Variants in PDE9A observed in about 807,000 individuals in gnomAD.
The protein encoded by PDE9A is phosphodiesterase 9A.
A neutral mutation model predicts 87.4 loss-of-function variants in PDE9A; 60 were observed. The observed-to-expected ratio is 0.69, with a 90% CI of 0.56 to 0.85. PDE9A has a LOEUF of 0.85. Among genes scored for constraint, PDE9A ranks in the 40% least tolerant of loss-of-function variants. PDE9A has a pLI of 0.00. For missense variants in PDE9A, 665 were observed against 779.0 expected (o/e 0.85, Z 1.74); for synonymous variants, 272 against 279.4 (o/e 0.97, Z 0.27).
In PDE9A at chr21:42,695,744, C is replaced by T. The variant is rs1013178550; in HGVS notation, c.219-3224C>T. On this transcript the variant is annotated intron_variant, in intron 3 of 19. Transcript: ENST00000291539. This position sits in a 1 kb window ranked among gnomAD's most constrained non-coding sequence, Gnocchi z 4.3. Reference sequence around the variant, plus strand: ...GTTAGATCTTAGAAAAAGACAAATACAGTAGAAGCTGGAGGCAAGCTTATC... The same window carrying T: ...GTTAGATCTTAGAAAAAGACAAATATAGTAGAAGCTGGAGGCAAGCTTATC... Among the ~76,000 whole-genome samples, 3 of 152,202 alleles carry T rather than the reference C, an allele frequency of 2.0e-5. No homozygotes were observed. The highest frequency in any genetic ancestry group is 7.2e-5 in the African/African-American group (3 of 41,446).
At position 42,668,615 on chromosome 21, in the gene PDE9A, T is replaced by C. The variant is rs1415103259; in HGVS notation, c.69+14732T>C. On this transcript the variant is annotated intron_variant, in intron 1 of 19. Transcript: ENST00000291539. ...GATCCATTATTTATAACAGTGGAGA[T>C]TGGCCTCAGACACTAGCAGTGAGGA... Among the ~76,000 whole-genome samples, 6 of 152,328 alleles carry C rather than the reference T, an allele frequency of 3.9e-5. No individual in the cohort carries two copies. In the East Asian group the frequency reaches 5.8e-4, roughly 15 times the overall value.
intron 4 of PDE9A, among the ~76,000 whole-genome samples, chr21:42,703,584 G>A (rs1383987509): frequency 6.6e-6 from 1 of 152,226 alleles, no homozygotes; most frequent in Non-Finnish European, 1.5e-5. Flanking sequence ...GGATTTCTGT[G>A]TCACCTGGGG....
chr21:42,695,652 A>G lies in PDE9A; in HGVS notation c.219-3316A>G, dbSNP rs938851494. On this transcript the variant is annotated intron_variant, in intron 3 of 19. Coordinates refer to ENST00000291539, the MANE Select transcript of PDE9A (RefSeq NM_002606.3). This position sits in a 1 kb window ranked among gnomAD's most constrained non-coding sequence, Gnocchi z 4.3. ...CTTAGAGAAAAGCTTTCTATATTCC[A>G]GAATGGCTCCAGGCCTCCTCCTCCT... Among the ~76,000 whole-genome samples the G allele has an allele frequency of 5.9e-5, 9 of 152,248 alleles. No homozygotes were observed. Among genetic ancestry groups the G allele is most frequent in the African/African-American group, 2.2e-4 (9 of 41,464 alleles).
rs369871860 is a variant in PDE9A at position 42,703,284 on chromosome 21, A to G, written c.262+4273A>G. 3.7e-3 allele frequency among the ~76,000 whole-genome samples: 556 copies of G among 152,306 alleles called. 3 individuals are homozygous for G. Among genetic ancestry groups the G allele is most frequent in the Middle Eastern group, 0.024 (7 of 294 alleles). ...GCGGCCTCTCGGCTGTCGGCTCCCA[A>G]TGGATGGTGTTGAAGTCTGGGACTT... is the stretch of plus-strand genomic sequence containing the variant. On this transcript the variant is annotated intron_variant, in intron 4 of 19. Coordinates refer to ENST00000291539, the MANE Select transcript of PDE9A (RefSeq NM_002606.3).
At chr21:42,708,699 C>T (rs1023534417) in intron 4 of PDE9A, among the ~76,000 whole-genome samples, 2 of 152,136 alleles carry the variant, frequency 1.3e-5, no homozygotes, top group Non-Finnish European at 2.9e-5. Context: ...AGATTACAGG[C>T]GCATGCCACC....
chr21:42,726,615 T>TAG, intron 4 of PDE9A, among the ~76,000 whole-genome samples: 1 of 43,144 alleles, frequency 2.3e-5, no homozygotes, highest in Non-Finnish European at 3.8e-5. Context: ...TATATATATA[T>TAG]ATATATATAT....
At chr21:42,662,439 A>G (rs2057575752) in intron 1 of PDE9A, among the ~76,000 whole-genome samples, 1 of 151,822 alleles carries the variant, frequency 6.6e-6, no homozygotes, top group Non-Finnish European at 1.5e-5. Flanking sequence ...ATGGAGGACT[A>G]TGGTACATAC....
intron 8 of PDE9A, among the ~76,000 whole-genome samples, chr21:42,748,368 C>T (rs2054084606): frequency 6.6e-6 from 1 of 152,176 alleles, no homozygotes; most frequent in Non-Finnish European, 1.5e-5. Flanking sequence ...TTCCCCCTTA[C>T]ACATCAAACT....
intron 1 of PDE9A, among the ~76,000 whole-genome samples, chr21:42,667,052 C>G (rs1234074184): frequency 6.6e-6 from 1 of 152,172 alleles, no homozygotes; most frequent in East Asian, 1.9e-4. Context: ...GCGCCTGGTC[C>G]CAACTGCCCA....
chr21:42,708,834 G>T (rs2049054006), intron 4 of PDE9A, among the ~76,000 whole-genome samples: 1 of 152,166 alleles, frequency 6.6e-6, no homozygotes, highest in Non-Finnish European at 1.5e-5. Flanking sequence ...GGGATTACAG[G>T]CATGAGCCAC....
At chr21:42,665,119 G>A (rs2057877007) in intron 1 of PDE9A, among the ~76,000 whole-genome samples, 2 of 152,200 alleles carry the variant, frequency 1.3e-5, no homozygotes, top group Non-Finnish European at 2.9e-5. Context: ...ACAGAATCAG[G>A]CCATGTAAAG....
intron 1 of PDE9A, among the ~76,000 whole-genome samples, chr21:42,668,259 C>T (rs1326968744): frequency 6.6e-6 from 1 of 152,152 alleles, no homozygotes; most frequent in East Asian, 1.9e-4. Context: ...CCTGCCATCC[C>T]CAGGGTCCAG....
chr21:42,769,239 GCA>G lies in PDE9A; in HGVS notation c.1590+89_1590+90del, dbSNP rs2056681888. 3 of 1,285,358 alleles carry G rather than the reference GCA, an allele frequency of 2.3e-6. No individual in the cohort carries two copies. In the Admixed American group the frequency reaches 5.6e-5, roughly 24 times the overall value. 79.6% of individuals were successfully genotyped at this position (1,285,358 alleles called of 1,614,324 possible). A position where few individuals can be genotyped will look rare whatever the true frequency, so the allele number is the denominator to read the frequency against. ...CAGGCACACACACATATACACATAT[GCA>G]CACAGGTACACACAGACACACACTC... On this transcript the variant is annotated intron_variant, in intron 17 of 19. Coordinates refer to ENST00000291539, the MANE Select transcript of PDE9A (RefSeq NM_002606.3).
intron 9 of PDE9A, among the ~76,000 whole-genome samples, chr21:42,753,542 G>A (rs1202593075): frequency 6.6e-6 from 1 of 152,160 alleles, no homozygotes; most frequent in Non-Finnish European, 1.5e-5. Context: ...TATGTGGCCT[G>A]TGAGTCTGAC....
At chr21:42,697,532 C>G in intron 3 of PDE9A, 2 of 1,175,850 alleles carry the variant, frequency 1.7e-6, no homozygotes, top group South Asian at 1.2e-5. Context: ...TAACAACTAC[C>G]TGACACTGCA....
chr21:42,706,788 A>C (rs1418533496), intron 4 of PDE9A, among the ~76,000 whole-genome samples: 2 of 147,104 alleles, frequency 1.4e-5, no homozygotes, highest in East Asian at 2.0e-4. Flanking sequence ...CATCCCCTTC[A>C]CCCCCCAGCC....
intron 4 of PDE9A, among the ~76,000 whole-genome samples, chr21:42,726,624 A>ATATATATTTTTTT: frequency 1.0e-4 from 2 of 19,776 alleles, no homozygotes; most frequent in African/African-American, 3.4e-4. Flanking sequence ...ATATATATAT[A>ATATATATTTTTTT]TTTTTTTTTT....
At chr21:42,655,211 A>C (rs1438570741) in intron 1 of PDE9A, among the ~76,000 whole-genome samples, 2 of 152,174 alleles carry the variant, frequency 1.3e-5, no homozygotes, top group Admixed American at 1.3e-4. Flanking sequence ...CATGCACACC[A>C]CATAGGCACA....
At position 42,659,131 on chromosome 21, in the gene PDE9A, C is replaced by T. The variant is rs1288580058; in HGVS notation, c.69+5248C>T. Among the ~76,000 whole-genome samples the T allele has an allele frequency of 4.6e-5, 7 of 152,208 alleles. No homozygotes were observed. The highest frequency in any genetic ancestry group is 2.9e-5 in the Non-Finnish European group (2 of 68,038). On this transcript the variant is annotated intron_variant, in intron 1 of 19. Coordinates refer to ENST00000291539, the MANE Select transcript of PDE9A (RefSeq NM_002606.3). This position sits in a 1 kb window ranked among gnomAD's most constrained non-coding sequence, Gnocchi z 4.1. ...AGGGCACAGGAAACTGGGCCCTTCCCAATTTTAGCCCAAGGGTGCCGAAAA... is the reference window on the plus strand; with the variant it reads ...AGGGCACAGGAAACTGGGCCCTTCCTAATTTTAGCCCAAGGGTGCCGAAAA...
Sources: allele counts gnomAD v4.1 joint callset (sites outside exome capture counted in the v4.1 genomes callset), GRCh38; gene constraint gnomAD v4.1.1; non-coding constraint Gnocchi (gnomAD v3.1); transcripts MANE v1.5; gene names NCBI Gene and HGNC (gene_info 2026-07-23, HGNC 2026-07-21).